The following LIMK1 variants were observed in gnomAD, a reference collection of about 807,000 sequenced individuals.
The protein encoded by LIMK1 is LIM motif-containing protein kinase.
LIMK1 carries 21 observed loss-of-function variants against 77.6 expected under a neutral mutation model. The observed-to-expected ratio is 0.27, with a 90% CI of 0.19 to 0.39. The LOEUF is 0.39. LIMK1 is among the 10% of genes least tolerant of loss of function. LIMK1 has a pLI of 1.00. For synonymous variants in LIMK1, 358 were observed against 370.0 expected (o/e 0.97, Z 0.37); for missense variants, 696 against 901.6 (o/e 0.77, Z 2.92).
chr7:74,100,769 T>A (rs543767693), intron 5 of LIMK1, among the ~76,000 whole-genome samples: 178 of 146,634 alleles, frequency 1.2e-3, no homozygotes, highest in Non-Finnish European at 2.1e-3. Context: ...GGAGTCTCGC[T>A]CTGTCGCCCA....
intron 13 of LIMK1, among the ~76,000 whole-genome samples, chr7:74,120,310 A>G (rs1221208685): frequency 1.3e-5 from 2 of 152,228 alleles, no homozygotes; most frequent in African/African-American, 4.8e-5. Context: ...CACAGAGTTC[A>G]TGACTTGTGC....
At chr7:74,085,923 G>A in intron 2 of LIMK1, 79 bp downstream of exon 2, 2 of 1,102,260 alleles carry the variant, frequency 1.8e-6, no homozygotes, top group African/African-American at 1.5e-5. Flanking sequence ...GAATGGGGGA[G>A]GCCGGGATAT....
chr7:74,111,757 G>T (rs782739506), intron 11 of LIMK1, 50 bp downstream of exon 11: 10 of 1,574,198 alleles, frequency 6.4e-6, no homozygotes, highest in African/African-American at 1.3e-5. Flanking sequence ...CCAGGAATTT[G>T]CAAACAGAAC....
At position 74,107,188 on chromosome 7, in the gene LIMK1, A is replaced by G. The variant is rs138393572; in HGVS notation, c.1060A>G (p.Ile354Val). The change falls in exon 8 of 16, where the codon ATC becomes GTC. Residue 354 changes from isoleucine (I) to valine (V), a missense_variant. Physicochemically the swap from Ile to Val is conservative, Grantham distance 29. This residue lies in a region of LIMK1 where 438 missense variants were observed against 602.3 expected (regional missense o/e 0.73). Coordinates refer to ENST00000336180, the MANE Select transcript of LIMK1 (RefSeq NM_002314.4). ...VLGKGCFGQAIKVTHRETGEV... is the reference protein window; with the variant it reads ...VLGKGCFGQAVKVTHRETGEV... ...GGGCAAGGGCTGCTTCGGCCAGGCT[A>G]TCAAGGTACAGAGCATGCCAGGGTC... 5 of 1,608,874 alleles carry G rather than the reference A, an allele frequency of 3.1e-6. No homozygotes were observed. The highest frequency in any genetic ancestry group is 2.2e-5 in the East Asian group (1 of 44,842).
chr7:74,085,776 C>T lies in LIMK1; in HGVS notation c.84C>T (p.Cys28=), dbSNP rs782338229. ...GCGAGTTGCCCGTGTGTGCAAGCTG[C>T]GGCCAGAGGATCTATGATGGCCAGT... ...EGSELPVCAS[C]GQRIYDGQYL... is the part of the protein sequence containing the mutation. Residue 28 remains cysteine (C), a synonymous_variant, in exon 2 of 16, where the codon TGC becomes TGT. Coordinates refer to ENST00000336180, the MANE Select transcript of LIMK1 (RefSeq NM_002314.4). 1.0e-5 allele frequency: 16 copies of T among 1,562,092 alleles called. No homozygotes were observed. The highest frequency in any genetic ancestry group is 8.2e-5 in the South Asian group (7 of 84,880).
intron 2 of LIMK1, among the ~76,000 whole-genome samples, chr7:74,086,907 C>T (rs1164354540): frequency 6.6e-6 from 1 of 152,180 alleles, no homozygotes; most frequent in African/African-American, 2.4e-5. Context: ...AACCCAGTCA[C>T]ACCAGCCCCA....
In LIMK1 at chr7:74,121,194, G is replaced by A. The variant is rs368807700; in HGVS notation, c.1837G>A (p.Gly613Ser). Residue 613 changes from glycine to serine, a missense_variant, in exon 16 of 16, where the codon GGC (glycine) becomes AGC (serine). Gly to Ser is a moderately conservative substitution (Grantham distance 56). Transcript: ENST00000336180. ...WLETLRMHLAGHLPLGPQLEQ... is the reference protein window; with the variant it reads ...WLETLRMHLASHLPLGPQLEQ... The stretch of plus-strand genomic sequence containing the variant: ...GGAGACCCTCCGCATGCACCTGGCC[G>A]GCCACCTGCCACTGGGCCCACAGCT... The A allele has an allele frequency of 2.7e-5, 43 of 1,612,398 alleles. No individual in the cohort carries two copies. The highest frequency in any genetic ancestry group is 1.6e-4 in the Middle Eastern group (1 of 6,078).
chr7:74,100,046 G>A (rs897428307), intron 5 of LIMK1, among the ~76,000 whole-genome samples: 14 of 151,912 alleles, frequency 9.2e-5, no homozygotes, highest in East Asian at 7.8e-4. Flanking sequence ...ACTTATAATC[G>A]AAACACTTTG....
At chr7:74,101,223 G>T (rs1050507337) in intron 5 of LIMK1, among the ~76,000 whole-genome samples, 6 of 152,174 alleles carry the variant, frequency 3.9e-5, no homozygotes, top group Non-Finnish European at 8.8e-5. Context: ...TACATGATGA[G>T]CAGACAGCTG....
At chr7:74,087,839 C>T (rs1171144253) in intron 2 of LIMK1, among the ~76,000 whole-genome samples, 17 of 152,162 alleles carry the variant, frequency 1.1e-4, no homozygotes, top group Non-Finnish European at 1.6e-4. Flanking sequence ...ATCTGCCCGC[C>T]TCAGCCTCCC....
chr7:74,091,025 T>C (rs1799224804), intron 2 of LIMK1, among the ~76,000 whole-genome samples: 1 of 152,140 alleles, frequency 6.6e-6, no homozygotes, highest in South Asian at 2.1e-4. Flanking sequence ...ACCATTCTCC[T>C]GCCTCAGCCT....
rs984478171 is a variant in LIMK1, at chr7:74,106,527, G to A, written c.881+284G>A. 5.3e-5 allele frequency among the ~76,000 whole-genome samples: 8 copies of A among 152,196 alleles called. No individual in the cohort carries two copies. In the South Asian group the frequency reaches 8.3e-4, roughly 16 times the overall value. On this transcript the variant is annotated intron_variant, in intron 7 of 15. Coordinates refer to ENST00000336180, the MANE Select transcript of LIMK1 (RefSeq NM_002314.4). ...TGTAATCCCAGCACTTTGGGAGGCC[G>A]AGGCAGGTGGATCACCTGAGGTCAG...
chr7:74,105,356 A>G, intron 5 of LIMK1, among the ~76,000 whole-genome samples: 1 of 151,846 alleles, frequency 6.6e-6, no homozygotes, highest in East Asian at 1.9e-4. Context: ...CTAAAAATAC[A>G]AAAAAAATTA....
At chr7:74,096,000 C>G (rs1446832477) in intron 2 of LIMK1, among the ~76,000 whole-genome samples, 7 of 138,946 alleles carry the variant, frequency 5.0e-5, no homozygotes, top group Admixed American at 4.3e-4. Context: ...GAGTCTCACT[C>G]TGTCGCCAGG....
At chr7:74,098,377 G>C (rs1293020858) in intron 4 of LIMK1, among the ~76,000 whole-genome samples, 1 of 152,144 alleles carries the variant, frequency 6.6e-6, no homozygotes, top group Non-Finnish European at 1.5e-5. Context: ...AGAGGACAAC[G>C]TGGCTTGATC....
intron 12 of LIMK1, among the ~76,000 whole-genome samples, chr7:74,112,762 T>G (rs1289527149): frequency 2.0e-5 from 3 of 151,922 alleles, no homozygotes; most frequent in Non-Finnish European, 4.4e-5. Context: ...GAGGCGGAAC[T>G]TGCAGTGAGC....
At chr7:74,085,502 C>T (rs567593524) in intron 1 of LIMK1, among the ~76,000 whole-genome samples, 1 of 152,354 alleles carries the variant, frequency 6.6e-6, no homozygotes, top group Non-Finnish European at 1.5e-5. Context: ...GATCCTCCTC[C>T]TAAGCTGATA....
intron 4 of LIMK1, among the ~76,000 whole-genome samples, chr7:74,097,846 A>C (rs1799366833): frequency 6.6e-6 from 1 of 152,166 alleles, no homozygotes; most frequent in South Asian, 2.1e-4. Context: ...ACCCACTCAC[A>C]CTTCTGACCG....
At chr7:74,090,839 C>G (rs1554694667) in intron 2 of LIMK1, among the ~76,000 whole-genome samples, 1 of 152,236 alleles carries the variant, frequency 6.6e-6, no homozygotes, top group Non-Finnish European at 1.5e-5. Context: ...CTGAGTCAGT[C>G]ACTTGCAAAT....
Sources: gnomAD v4.1 joint callset for allele counts (sites outside exome capture counted in the v4.1 genomes callset) on GRCh38, gnomAD v4.1.1 for gene constraint, gnomAD v4.1.1 regional missense constraint, MANE v1.5 for transcripts, NCBI Gene and HGNC (gene_info 2026-07-23, HGNC 2026-07-21) for gene names.